Variants in NLGN1 observed in about 807,000 individuals in gnomAD.
NLGN1 encodes neuroligin 1, also known as neuroligin-1.
NLGN1 carries 12 observed loss-of-function variants against 65.5 expected under a neutral mutation model. The ratio of observed to expected loss-of-function variants is 0.18; its 90% CI spans 0.12 to 0.30. NLGN1 has a LOEUF of 0.30. Ranked by LOEUF, NLGN1 falls within the 10% of genes least tolerant of loss-of-function variation. The probability of loss-of-function intolerance (pLI) is 1.00; values close to 1 mark genes in which losing one functional copy is unlikely to be tolerated. For synonymous variants in NLGN1, 350 were observed against 359.5 expected, an observed-to-expected ratio of 0.97 and a Z score of 0.30; for missense variants, 750 against 1,007.1, an observed-to-expected ratio of 0.74 and a Z score of 3.46.
intron 2 of NLGN1, among the ~76,000 whole-genome samples, chr3:173,493,890 G>T (rs1273293936): frequency 6.6e-6 from 1 of 151,020 alleles, no homozygotes; most frequent in Non-Finnish European, 1.5e-5. Context: ...TGATTTTTTT[G>T]AAAGTTTCTA....
At chr3:173,641,287 C>T (rs1160433624) in intron 3 of NLGN1, among the ~76,000 whole-genome samples, 1 of 152,058 alleles carries the variant, frequency 6.6e-6, no homozygotes, top group African/African-American at 2.4e-5. Context: ...TACTTTTGAT[C>T]CCATTAATAT....
chr3:174,134,938 G>A (rs1720935142), intron 4 of NLGN1, among the ~76,000 whole-genome samples: 1 of 152,108 alleles, frequency 6.6e-6, no homozygotes, highest in Non-Finnish European at 1.5e-5. Context: ...GGAGGAGCTG[G>A]CACCCTGTCT....
chr3:174,021,724 G>C (rs970648835), intron 4 of NLGN1, among the ~76,000 whole-genome samples: 4 of 152,116 alleles, frequency 2.6e-5, no homozygotes, highest in African/African-American at 9.7e-5. Flanking sequence ...TCAGAAAAGA[G>C]ACAGAGAGAC....
At chr3:174,253,336 C>A (rs1745107749) in intron 4 of NLGN1, among the ~76,000 whole-genome samples, 1 of 152,156 alleles carries the variant, frequency 6.6e-6, no homozygotes, top group African/African-American at 2.4e-5. Flanking sequence ...CTGTCTCTTG[C>A]ACCATCTCTG....
At chr3:173,878,101 G>T (rs572047424) in intron 4 of NLGN1, among the ~76,000 whole-genome samples, 1 of 152,072 alleles carries the variant, frequency 6.6e-6, no homozygotes, top group South Asian at 2.1e-4. Context: ...GAGTGCAATG[G>T]TGCAATCTCA....
chr3:174,003,485 A>T (rs989696376), intron 4 of NLGN1, among the ~76,000 whole-genome samples: 1 of 152,178 alleles, frequency 6.6e-6, no homozygotes, highest in African/African-American at 2.4e-5. Flanking sequence ...TTTGTAAATT[A>T]TGGAGTCAAG....
chr3:174,139,169 C>T (rs1005247966), intron 4 of NLGN1, among the ~76,000 whole-genome samples: 1 of 152,000 alleles, frequency 6.6e-6, no homozygotes, highest in East Asian at 1.9e-4. Flanking sequence ...CGGTGTTGTA[C>T]GTTCTGTGGG....
chr3:174,188,863 A>G (rs1731878796), intron 4 of NLGN1, among the ~76,000 whole-genome samples: 1 of 151,990 alleles, frequency 6.6e-6, no homozygotes, highest in African/African-American at 2.4e-5. Context: ...GAATAGACCC[A>G]AATTTATTTA....
At chr3:174,014,715 G>T (rs1419207179) in intron 4 of NLGN1, among the ~76,000 whole-genome samples, 1 of 152,128 alleles carries the variant, frequency 6.6e-6, no homozygotes, top group South Asian at 2.1e-4. Context: ...TTGAACCCTA[G>T]TTAAGAAGCA....
intron 2 of NLGN1, among the ~76,000 whole-genome samples, chr3:173,548,803 A>G (rs2149257351): frequency 6.6e-6 from 1 of 152,060 alleles, no homozygotes; most frequent in Admixed American, 6.6e-5. Context: ...CTATATGAAT[A>G]TAATTTGAAG....
intron 4 of NLGN1, among the ~76,000 whole-genome samples, chr3:174,087,599 T>C (rs1390193316): frequency 2.6e-5 from 4 of 152,176 alleles, no homozygotes; most frequent in African/African-American, 9.7e-5. Flanking sequence ...GTTTCAGATC[T>C]TTGCATACAC....
chr3:173,578,926 C>A (rs1745966593), intron 2 of NLGN1, among the ~76,000 whole-genome samples: 1 of 152,062 alleles, frequency 6.6e-6, no homozygotes, highest in African/African-American at 2.4e-5. Context: ...CTATATTTTT[C>A]AATTTTACCA....
chr3:173,568,486 C>T (rs1290679825), intron 2 of NLGN1, among the ~76,000 whole-genome samples: 9 of 152,130 alleles, frequency 5.9e-5, no homozygotes, highest in African/African-American at 2.2e-4. Flanking sequence ...CCACCCGCCT[C>T]GGCCTCCCAA....
intron 4 of NLGN1, among the ~76,000 whole-genome samples, chr3:173,810,099 C>T (rs192268984): frequency 1.3e-4 from 20 of 152,176 alleles, no homozygotes; most frequent in Non-Finnish European, 2.5e-4. Context: ...CATTGGTTCT[C>T]GAACAGAGGT....
At chr3:174,162,326 G>A (rs1177263732) in intron 4 of NLGN1, among the ~76,000 whole-genome samples, 1 of 151,748 alleles carries the variant, frequency 6.6e-6, no homozygotes, top group Non-Finnish European at 1.5e-5. Flanking sequence ...ACGTCATTCT[G>A]TATTTTGTAT....
intron 1 of NLGN1, among the ~76,000 whole-genome samples, chr3:173,419,020 C>CTTTTTTTTTTTT (rs59051811): frequency 1.5e-3 from 18 of 12,260 alleles, no homozygotes; most frequent in Non-Finnish European, 2.1e-3. Context: ...TCTTCTTCTT[C>CTTTTTTTTTTTT]TTTTTTTTTT....
At chr3:174,033,999 A>G (rs1007308541) in intron 4 of NLGN1, among the ~76,000 whole-genome samples, 10 of 152,120 alleles carry the variant, frequency 6.6e-5, no homozygotes, top group African/African-American at 2.4e-4. Context: ...AACTAAATAA[A>G]TAAACTAAGC....
At chr3:173,703,772 T>A (rs911035525) in intron 3 of NLGN1, among the ~76,000 whole-genome samples, 1 of 152,234 alleles carries the variant, frequency 6.6e-6, no homozygotes, top group Non-Finnish European at 1.5e-5. Flanking sequence ...CACAGAATAT[T>A]GAACCACGCC....
chr3:173,577,328 A>G (rs1428224166), intron 2 of NLGN1, among the ~76,000 whole-genome samples: 3 of 152,224 alleles, frequency 2.0e-5, no homozygotes, highest in Non-Finnish European at 4.4e-5. Context: ...ATCTATCCTC[A>G]TAGTCTATTT....
Sources: gnomAD v4.1 joint callset for allele counts (sites outside exome capture counted in the v4.1 genomes callset) on GRCh38, gnomAD v4.1.1 for gene constraint, MANE v1.5 for transcripts, NCBI Gene and HGNC (gene_info 2026-07-23, HGNC 2026-07-21) for gene names.